Variants in PLXNA4 observed in about 807,000 individuals in gnomAD.
PLXNA4 encodes the protein plexin A4.
PLXNA4 carries 44 observed loss-of-function variants against 191.8 expected under a neutral mutation model. The ratio of observed to expected loss-of-function variants is 0.23; its 90% CI spans 0.18 to 0.29. The LOEUF (loss-of-function observed/expected upper bound fraction) is 0.29. PLXNA4 is among the 10% of genes least tolerant of loss of function. The pLI, the probability that PLXNA4 is intolerant of heterozygous loss-of-function variation, is 1.00. For synonymous variants in PLXNA4, 1,082 were observed against 1,009.5 expected (o/e 1.07, Z -1.36); for missense variants, 1,800 against 2,488.8 (o/e 0.72, Z 5.89).
chr7:132,162,523 G>T (rs1345911794), intron 24 of PLXNA4, among the ~76,000 whole-genome samples: 2 of 152,226 alleles, frequency 1.3e-5, no homozygotes, highest in African/African-American at 4.8e-5. Context: ...TCAATATTGG[G>T]AGGGTGCTGA....
intron 12 of PLXNA4, among the ~76,000 whole-genome samples, chr7:132,202,395 CAG>C (rs1013643770): frequency 5.9e-5 from 9 of 152,178 alleles, no homozygotes; most frequent in African/African-American, 2.2e-4. Flanking sequence ...CACAGCTCCT[CAG>C]AGACTCCAAC....
At chr7:132,473,945 T>G (rs1440413809) in intron 3 of PLXNA4, among the ~76,000 whole-genome samples, 1 of 150,582 alleles carries the variant, frequency 6.6e-6, no homozygotes, top group Admixed American at 6.6e-5. Flanking sequence ...AACATTATTG[T>G]GGTTAAAGGA....
chr7:132,518,914 G>C (rs1799054688), intron 1 of PLXNA4, among the ~76,000 whole-genome samples: 1 of 149,422 alleles, frequency 6.7e-6, no homozygotes, highest in Non-Finnish European at 1.5e-5. Flanking sequence ...CGTCTCCCTG[G>C]CCAAGTCTGC....
chr7:132,489,577 A>T lies in PLXNA4; in HGVS notation c.1189-103T>A, dbSNP rs112191783. ...AGGTAGAAGAATCCTTAGAGATGAA[A>T]CATCTGGTAACAATCCCTCTTTTTT... On this transcript the variant is annotated intron_variant, in intron 2 of 31. Transcript: ENST00000321063. 2.3e-3 allele frequency: 2,257 copies of T among 1,002,044 alleles called. 42 individuals carry two copies. In the African/African-American group the frequency reaches 0.033, roughly 15 times the overall value. The allele number at this position is 1,002,044 out of a possible 1,614,324, so 62.1% of individuals were successfully genotyped here.
intron 8 of PLXNA4, among the ~76,000 whole-genome samples, chr7:132,224,121 C>A (rs542212946): frequency 1.3e-5 from 2 of 152,284 alleles, no homozygotes; most frequent in Admixed American, 1.3e-4. Flanking sequence ...GCAACCCCAC[C>A]TTTCCCCTTT....
rs1208522406 is a variant in PLXNA4, at chr7:132,128,004, A to T, written c.*2475T>A. The stretch of plus-strand genomic sequence containing the variant: ...CTCTTAACTGTGCAAAAAAAAAAAA[A>T]AAAAATCAAAATGCACTCACTCATA... On this transcript the variant is annotated 3_prime_UTR_variant, in exon 32 of 32. Transcript: ENST00000321063. 6.0e-5 allele frequency: 9 copies of T among 151,074 alleles called. No individual in the cohort carries two copies. Among genetic ancestry groups the T allele is most frequent in the African/African-American group, 2.2e-4 (9 of 41,000 alleles). The allele number at this position is 151,074 out of a possible 1,614,324, so 9.4% of individuals were successfully genotyped here. A position where few individuals can be genotyped will look rare whatever the true frequency, so the allele number is the denominator to read the frequency against.
intron 4 of PLXNA4, among the ~76,000 whole-genome samples, chr7:132,288,891 T>C (rs1800781915): frequency 6.6e-6 from 1 of 152,130 alleles, no homozygotes; most frequent in Non-Finnish European, 1.5e-5. Context: ...TCACATCACC[T>C]TCCTCAGAAC....
At chr7:132,578,884 G>A (rs2116808825), upstream of PLXNA4, among the ~76,000 whole-genome samples, 1 of 152,240 alleles carries the variant, frequency 6.6e-6, no homozygotes, top group South Asian at 2.1e-4. Flanking sequence ...CTGAATCCCA[G>A]ACTCTAGATA....
chr7:132,291,898 G>A (rs149063767), intron 4 of PLXNA4, among the ~76,000 whole-genome samples: 111 of 152,298 alleles, frequency 7.3e-4, no homozygotes, highest in African/African-American at 2.5e-3. Context: ...AGGTTGAAGC[G>A]ATTCTCCTGC....
intron 4 of PLXNA4, among the ~76,000 whole-genome samples, chr7:132,272,851 C>T (rs1455007357): frequency 7.9e-5 from 12 of 152,140 alleles, no homozygotes. Flanking sequence ...CATATTTGGC[C>T]TCCTTAAGAA....
chr7:132,325,900 C>T (rs1273198519), intron 3 of PLXNA4, among the ~76,000 whole-genome samples: 1 of 152,190 alleles, frequency 6.6e-6, no homozygotes, highest in Non-Finnish European at 1.5e-5. Context: ...GATTCCAACA[C>T]AGCTGAAAGC....
chr7:132,406,567 A>G (rs1197299690), intron 3 of PLXNA4, among the ~76,000 whole-genome samples: 1 of 152,174 alleles, frequency 6.6e-6, no homozygotes, highest in African/African-American at 2.4e-5. Flanking sequence ...GCTCCCTCCT[A>G]GCCAAGTATC....
At chr7:132,218,550 A>G (rs915165945) in intron 9 of PLXNA4, among the ~76,000 whole-genome samples, 6 of 152,222 alleles carry the variant, frequency 3.9e-5, no homozygotes, top group Non-Finnish European at 7.3e-5. Context: ...ATTCTTGCCA[A>G]TGGATTTGCT....
chr7:132,138,888 G>T (rs554770020), intron 30 of PLXNA4, among the ~76,000 whole-genome samples: 2 of 152,296 alleles, frequency 1.3e-5, no homozygotes, highest in South Asian at 2.1e-4. Flanking sequence ...AATGTTCCCA[G>T]CCCTTCACAG....
intron 1 of PLXNA4, among the ~76,000 whole-genome samples, chr7:132,562,985 T>TC (rs1563175152): frequency 1.3e-4 from 1 of 7,592 alleles, no homozygotes; most frequent in African/African-American, 3.9e-4. Context: ...TCCTCCTCCT[T>TC]CTCCTCCTCC....
In PLXNA4 at chr7:132,168,497, G is replaced by A. The variant is rs1327027296; in HGVS notation, c.4093C>T (p.Leu1365=). 1 of 1,613,624 alleles carries A rather than the reference G, an allele frequency of 6.2e-7. No individual in the cohort carries two copies. The highest frequency in any genetic ancestry group is 1.3e-5 in the African/African-American group (1 of 74,932). The change falls in exon 22 of 32, where the codon CTG becomes TTG. Residue 1365 remains leucine (L), a synonymous_variant. Transcript: ENST00000321063. ...TCAAGCGTGCGGATGAAGGACAGCA[G>A]GAACACCTTGTTGTTGATGAGCTGG... The part of the protein sequence containing the change: ...FAQLINNKVF[L]LSFIRTLESQ...
At position 132,132,493 on chromosome 7, in the gene PLXNA4, T is replaced by C. The variant is rs1182064159; in HGVS notation, c.5589+556A>G. On this transcript the variant is annotated intron_variant, in intron 31 of 31. Transcript: ENST00000321063. ...CTCTGCTCTGCTCTGCTCTGCTCTA[T>C]TCTTTTCTATTCTATTCTATTCTAT... Among the ~76,000 whole-genome samples the C allele has an allele frequency of 5.0e-3, 452 of 91,236 alleles. 17 individuals are homozygous for C. The highest frequency in any genetic ancestry group is 0.016 in the African/African-American group (343 of 21,728). The allele number at this position is 91,236 out of a possible 152,430, so 59.9% of individuals were successfully genotyped here. A position where few individuals can be genotyped will look rare whatever the true frequency, so the allele number is the denominator to read the frequency against.
chr7:132,293,010 G>A (rs757901277), intron 4 of PLXNA4, among the ~76,000 whole-genome samples: 53 of 152,190 alleles, frequency 3.5e-4, no homozygotes, highest in Non-Finnish European at 4.4e-4. Flanking sequence ...ACAAAGGCCT[G>A]TTTGCTGGTA....
intron 10 of PLXNA4, among the ~76,000 whole-genome samples, chr7:132,210,427 G>A (rs1054620836): frequency 2.6e-5 from 4 of 152,160 alleles, no homozygotes; most frequent in Admixed American, 1.3e-4. Flanking sequence ...TCTAAGCAGC[G>A]CTCTCCTAGC....
Sources: allele counts gnomAD v4.1 joint callset (sites outside exome capture counted in the v4.1 genomes callset), GRCh38; gene constraint gnomAD v4.1.1; transcripts MANE v1.5; gene names NCBI Gene and HGNC (gene_info 2026-07-23, HGNC 2026-07-21).